Variants in TMPRSS11F observed in about 807,000 individuals in gnomAD.
TMPRSS11F encodes transmembrane protease serine 11F.
TMPRSS11F carries 47 observed loss-of-function variants against 60.2 expected under a neutral mutation model. The ratio of observed to expected loss-of-function variants is 0.78; its 90% CI spans 0.62 to 1.00. The LOEUF is 1.00. Ranked by LOEUF, TMPRSS11F falls within the 50% of genes least tolerant of loss-of-function variation. TMPRSS11F has a pLI of 0.00. For missense variants in TMPRSS11F, 519 were observed against 522.9 expected, an observed-to-expected ratio of 0.99 and a Z score of 0.07; for synonymous variants, 166 against 167.3, an observed-to-expected ratio of 0.99 and a Z score of 0.06.
chr4:68,068,708 G>A lies in TMPRSS11F; in HGVS notation c.665C>T (p.Ala222Val). 1 of 1,614,192 alleles carries A rather than the reference G, an allele frequency of 6.2e-7. No homozygotes were observed. Among genetic ancestry groups the A allele is most frequent in the Non-Finnish European group, 8.5e-7 (1 of 1,180,022 alleles). Residue 222 changes from alanine to valine, a missense_variant, in exon 7 of 10, where the codon GCC (alanine) becomes GTC (valine). By Grantham distance (64) the Ala-to-Val change is moderately conservative (BLOSUM62 0). Coordinates refer to ENST00000356291, the MANE Select transcript of TMPRSS11F (RefSeq NM_207407.2). ...TAMEGEWPWQ[A>V]SLQLIGSGHQ... ...GCCTGACCCTATGAGCTGGAGGCTGGCCTGCCATGGCCATTCCCCTTCCAT... is the reference window on the plus strand; with the variant it reads ...GCCTGACCCTATGAGCTGGAGGCTGACCTGCCATGGCCATTCCCCTTCCAT...
At position 68,125,384 on chromosome 4, in the gene TMPRSS11F, T is replaced by C. The variant is rs150720287; in HGVS notation, c.11+4426A>G. On this transcript the variant is annotated intron_variant, in intron 1 of 9. Transcript: ENST00000356291. Reference sequence around the variant, plus strand: ...AAAAAAAATAAAGACAAGTTAATAATACATTTTAAATAATGGCCAACTACA... The same window carrying C: ...AAAAAAAATAAAGACAAGTTAATAACACATTTTAAATAATGGCCAACTACA... 3.4e-3 allele frequency among the ~76,000 whole-genome samples: 516 copies of C among 152,204 alleles called. 5 individuals carry two copies. Among genetic ancestry groups the C allele is most frequent in the African/African-American group, 0.012 (498 of 41,544 alleles).
chr4:68,060,313 C>T (rs1401208104), intron 8 of TMPRSS11F, among the ~76,000 whole-genome samples: 3 of 148,864 alleles, frequency 2.0e-5, no homozygotes, highest in Non-Finnish European at 4.4e-5. Context: ...CGAGACCATC[C>T]TGACTAACAC....
intron 3 of TMPRSS11F, among the ~76,000 whole-genome samples, chr4:68,088,585 T>C (rs1442049012): frequency 6.6e-6 from 1 of 152,042 alleles, no homozygotes; most frequent in Non-Finnish European, 1.5e-5. Context: ...ATCAACAGAA[T>C]ATACATTTTT....
At chr4:68,125,120 G>A (rs1186316998) in intron 1 of TMPRSS11F, among the ~76,000 whole-genome samples, 1 of 151,362 alleles carries the variant, frequency 6.6e-6, no homozygotes, top group Non-Finnish European at 1.5e-5. Flanking sequence ...GAAATTGCCT[G>A]TATTCAATGG....
chr4:68,062,851 A>G (rs572026746), intron 8 of TMPRSS11F: 2 of 777,558 alleles, frequency 2.6e-6, no homozygotes, highest in South Asian at 1.3e-5. Context: ...TAACATATGT[A>G]TTGGGTGGTC....
intron 1 of TMPRSS11F, among the ~76,000 whole-genome samples, chr4:68,100,857 T>C (rs2109872953): frequency 6.6e-6 from 1 of 152,284 alleles, no homozygotes; most frequent in African/African-American, 2.4e-5. Context: ...AAAGTTACTA[T>C]GTACTCATGT....
intron 1 of TMPRSS11F, among the ~76,000 whole-genome samples, chr4:68,114,990 TAAAA>T (rs56946635): frequency 9.6e-5 from 11 of 114,374 alleles, no homozygotes; most frequent in South Asian, 3.1e-4. Flanking sequence ...ATTCATTATT[TAAAA>T]AAAAAAAAAA....
intron 2 of TMPRSS11F, among the ~76,000 whole-genome samples, chr4:68,097,667 G>A (rs1724100196): frequency 6.6e-6 from 1 of 151,852 alleles, no homozygotes; most frequent in African/African-American, 2.4e-5. Context: ...TTTTTTTAAT[G>A]GCTAAAATGC....
chr4:68,082,163 G>C (rs535355039), intron 3 of TMPRSS11F, among the ~76,000 whole-genome samples: 2 of 152,264 alleles, frequency 1.3e-5, no homozygotes, highest in Non-Finnish European at 2.9e-5. Flanking sequence ...ACTAGCTCCC[G>C]GCCCTGAATA....
In TMPRSS11F at chr4:68,059,352, T is replaced by G. The variant is rs780785746; in HGVS notation, c.1132A>C (p.Met378Leu). The part of the protein sequence containing the change: ...ITPGMLCAGF[M>L]EGKIDACKGD... ...TTACATGCATCTATTTTTCCTTCCA[T>G]GAATCCAGCACATAACATTCCTGGA... Residue 378 changes from methionine (M) to leucine (L), a missense_variant, in exon 9 of 10, where the codon ATG becomes CTG. Physicochemically the swap from Met to Leu is conservative, Grantham distance 15. Coordinates refer to ENST00000356291, the MANE Select transcript of TMPRSS11F (RefSeq NM_207407.2). 1 of 1,613,868 alleles carries G rather than the reference T, an allele frequency of 6.2e-7. No homozygotes were observed. The highest frequency in any genetic ancestry group is 8.5e-7 in the Non-Finnish European group (1 of 1,179,942).
At position 68,072,557 on chromosome 4, in the gene TMPRSS11F, C is replaced by T. The variant is rs961715385; in HGVS notation, c.351-71G>A. The T allele has an allele frequency of 4.9e-6, 6 of 1,222,164 alleles. No individual in the cohort carries two copies. In the Admixed American group the frequency reaches 1.1e-4, roughly 22 times the overall value. 75.7% of individuals were successfully genotyped at this position (1,222,164 alleles called of 1,614,324 possible). On this transcript the variant is annotated intron_variant, in intron 4 of 9. Transcript: ENST00000356291. ...AATGACTTTAACTTATTAGGACTCA[C>T]ATTAAACTTAAAAAACATAATGCAT...
chr4:68,063,303 G>A (rs1723242554), intron 8 of TMPRSS11F: 4 of 529,528 alleles, frequency 7.6e-6, no homozygotes, highest in East Asian at 5.0e-5. Flanking sequence ...AACTGATGGC[G>A]GAAACTTAAG....
chr4:68,067,534 ACT>A (rs34099770), intron 7 of TMPRSS11F, among the ~76,000 whole-genome samples: 43,913 of 152,124 alleles, frequency 0.29, 6,410 homozygotes, highest in East Asian at 0.49. Flanking sequence ...AATGGAAGAC[ACT>A]CTCACAAAAA....
At chr4:68,106,062 C>T (rs1577931630) in intron 1 of TMPRSS11F, among the ~76,000 whole-genome samples, 1 of 152,164 alleles carries the variant, frequency 6.6e-6, no homozygotes, top group Non-Finnish European at 1.5e-5. Flanking sequence ...TGTGACATCA[C>T]ATTAATGTTG....
chr4:68,055,759 A>G (rs1435728586), intron 9 of TMPRSS11F, among the ~76,000 whole-genome samples: 1 of 152,192 alleles, frequency 6.6e-6, no homozygotes, highest in East Asian at 1.9e-4. Flanking sequence ...CCAGATAAGG[A>G]CACTTCAATA....
chr4:68,054,512 T>C (rs1377042342), intron 9 of TMPRSS11F, among the ~76,000 whole-genome samples: 2 of 152,188 alleles, frequency 1.3e-5, no homozygotes, highest in Admixed American at 1.3e-4. Context: ...ATTAGTTTTC[T>C]TGCTAAATTT....
intron 3 of TMPRSS11F, among the ~76,000 whole-genome samples, chr4:68,077,951 G>A (rs910454526): frequency 6.6e-6 from 1 of 152,124 alleles, no homozygotes; most frequent in Non-Finnish European, 1.5e-5. Context: ...GAGTGGAGAG[G>A]GTTCCGTGGC....
intron 9 of TMPRSS11F, among the ~76,000 whole-genome samples, chr4:68,055,472 A>C (rs905868492): frequency 1.1e-4 from 17 of 152,302 alleles, no homozygotes; most frequent in Non-Finnish European, 1.9e-4. Flanking sequence ...AGAAATATTT[A>C]AGAAGGTAAA....
At chr4:68,127,156 C>A (rs1724727448) in intron 1 of TMPRSS11F, among the ~76,000 whole-genome samples, 1 of 152,172 alleles carries the variant, frequency 6.6e-6, no homozygotes, top group Non-Finnish European at 1.5e-5. Flanking sequence ...CTTTATCTGA[C>A]AACTTCCAAC....
Sources: gnomAD v4.1 joint callset for allele counts (sites outside exome capture counted in the v4.1 genomes callset) on GRCh38, gnomAD v4.1.1 for gene constraint, MANE v1.5 for transcripts, NCBI Gene and HGNC (gene_info 2026-07-23, HGNC 2026-07-21) for gene names.